Variants in CLSTN2 observed in about 807,000 individuals in gnomAD.
The protein encoded by CLSTN2 is calsyntenin-2.
In CLSTN2, 48 loss-of-function variants were observed where a neutral mutation model predicts 101.2. That is an observed-to-expected ratio of 0.47 (90% confidence interval 0.38 to 0.60). The LOEUF is 0.60. CLSTN2 is among the 20% of genes least tolerant of loss of function. CLSTN2 has a pLI of 0.00. For synonymous variants in CLSTN2, 481 were observed against 463.6 expected, an observed-to-expected ratio of 1.04 and a Z score of -0.48; for missense variants, 1,160 against 1,238.2, an observed-to-expected ratio of 0.94 and a Z score of 0.95.
intron 1 of CLSTN2, among the ~76,000 whole-genome samples, chr3:140,106,601 C>G (rs2009063018): frequency 6.6e-6 from 1 of 152,208 alleles, no homozygotes; most frequent in South Asian, 2.1e-4. Flanking sequence ...TTCCAGAAGA[C>G]AAGGTTCCTC....
At chr3:140,358,676 T>A (rs2087698481) in intron 2 of CLSTN2, among the ~76,000 whole-genome samples, 1 of 152,140 alleles carries the variant, frequency 6.6e-6, no homozygotes, top group African/African-American at 2.4e-5. Flanking sequence ...GGCAACTTAT[T>A]ACCTGGGAGC....
At chr3:140,451,090 C>A (rs913941541) in intron 6 of CLSTN2, among the ~76,000 whole-genome samples, 2 of 152,166 alleles carry the variant, frequency 1.3e-5, no homozygotes, top group Admixed American at 1.3e-4. Context: ...GCTCCCCATG[C>A]ACCTGAATTA....
At chr3:140,457,234 G>T (rs1933424839) in intron 6 of CLSTN2, among the ~76,000 whole-genome samples, 1 of 152,182 alleles carries the variant, frequency 6.6e-6, no homozygotes. Context: ...GGTCCCATTG[G>T]CTTGAGCTAG....
intron 5 of CLSTN2, among the ~76,000 whole-genome samples, chr3:140,443,824 A>G (rs1171122678): frequency 2.0e-5 from 3 of 152,140 alleles, no homozygotes; most frequent in African/African-American, 7.2e-5. Context: ...CCACGAGGGG[A>G]TATAATTTTC....
intron 1 of CLSTN2, among the ~76,000 whole-genome samples, chr3:140,111,054 A>G (rs188161144): frequency 8.1e-4 from 124 of 152,272 alleles, no homozygotes; most frequent in African/African-American, 3.0e-3. Context: ...TGCACATCCA[A>G]GGTTTAATGT....
chr3:140,135,983 C>T (rs2107806671), intron 1 of CLSTN2, among the ~76,000 whole-genome samples: 1 of 152,230 alleles, frequency 6.6e-6, no homozygotes, highest in Non-Finnish European at 1.5e-5. Context: ...TTATCTTGGA[C>T]TTAAGAAGAT....
rs1310609902 is a variant in CLSTN2, at chr3:140,566,829, T to C, written c.*576T>C. ...CTCTCTCTCTCTCTCTCTCTGTCTA[T>C]CTAGTTCCCCAGCTTGGAGAGCCTT... On this transcript the variant is annotated 3_prime_UTR_variant, in exon 17 of 17. Coordinates refer to ENST00000458420, the MANE Select transcript of CLSTN2 (RefSeq NM_022131.3). 1.9e-5 allele frequency: 3 copies of C among 154,732 alleles called. No homozygotes were observed. The highest frequency in any genetic ancestry group is 7.2e-5 in the African/African-American group (3 of 41,480). The allele number at this position is 154,732 out of a possible 1,614,324, so 9.6% of individuals were successfully genotyped here. A position where few individuals can be genotyped will look rare whatever the true frequency, so the allele number is the denominator to read the frequency against.
chr3:140,572,724 A>G lies in CLSTN2; in HGVS notation c.*6471A>G, dbSNP rs1434236109. 6.6e-6 allele frequency: 1 copy of G among 152,302 alleles called. No individual in the cohort carries two copies. The highest frequency in any genetic ancestry group is 2.4e-5 in the African/African-American group (1 of 41,476). The allele number at this position is 152,302 out of a possible 1,614,324, so 9.4% of individuals were successfully genotyped here. ...CTGGAGGCAGGCAGTCTGTGATTTAATGAGCTTTCTGACACACACTAAAGT... is the reference window on the plus strand; with the variant it reads ...CTGGAGGCAGGCAGTCTGTGATTTAGTGAGCTTTCTGACACACACTAAAGT... On this transcript the variant is annotated 3_prime_UTR_variant, in exon 17 of 17. Transcript: ENST00000458420.
chr3:140,505,364 C>T (rs1446469190), intron 8 of CLSTN2, among the ~76,000 whole-genome samples: 1 of 152,124 alleles, frequency 6.6e-6, no homozygotes, highest in Middle Eastern at 3.2e-3. Flanking sequence ...ATTATAAATG[C>T]ACATTGTTCT....
chr3:140,185,575 C>T (rs984332742), intron 2 of CLSTN2, among the ~76,000 whole-genome samples: 1 of 152,154 alleles, frequency 6.6e-6, no homozygotes, highest in African/African-American at 2.4e-5. Context: ...CAGGGGTGGG[C>T]ACCTGACCCA....
At chr3:140,002,548 G>C (rs964976116) in intron 1 of CLSTN2, among the ~76,000 whole-genome samples, 2 of 152,138 alleles carry the variant, frequency 1.3e-5, no homozygotes, top group African/African-American at 4.8e-5. Context: ...TTGCTGTGCA[G>C]AAGCTTTTTA....
intron 5 of CLSTN2, among the ~76,000 whole-genome samples, chr3:140,446,555 A>G (rs1347646394): frequency 1.3e-5 from 2 of 152,186 alleles, no homozygotes; most frequent in Non-Finnish European, 2.9e-5. Context: ...AACATTGATC[A>G]GTCCCTACTG....
chr3:139,979,567 A>G (rs756648538), intron 1 of CLSTN2, among the ~76,000 whole-genome samples: 12 of 152,160 alleles, frequency 7.9e-5, no homozygotes, highest in Non-Finnish European at 1.5e-4. Flanking sequence ...AATTAAGTCC[A>G]GGTTCCTATA....
intron 4 of CLSTN2, among the ~76,000 whole-genome samples, chr3:140,415,431 A>T (rs2088418101): frequency 6.7e-6 from 1 of 150,010 alleles, no homozygotes; most frequent in African/African-American, 2.4e-5. Context: ...TTGGTAGACC[A>T]TATATGCAAT....
rs144313626 is a variant in CLSTN2 at position 140,248,141 on chromosome 3, G to A, written c.232+72068G>A. Among the ~76,000 whole-genome samples the A allele has an allele frequency of 1.2e-4, 18 of 152,348 alleles. No homozygotes were observed. In the East Asian group the frequency reaches 3.1e-3, roughly 26 times the overall value. On this transcript the variant is annotated intron_variant, in intron 2 of 16. Transcript: ENST00000458420. ...GACCTGTCTGTGGGTATCTGATGGAGGAGCAGGGCAATGTGAAATATTTTG... is the reference window on the plus strand; with the variant it reads ...GACCTGTCTGTGGGTATCTGATGGAAGAGCAGGGCAATGTGAAATATTTTG...
chr3:140,044,443 G>T (rs9917657), intron 1 of CLSTN2, among the ~76,000 whole-genome samples: 4 of 152,156 alleles, frequency 2.6e-5, no homozygotes, highest in Non-Finnish European at 5.9e-5. Context: ...AGACGATGGC[G>T]TTTTCTAGAT....
At chr3:140,347,969 G>A in intron 2 of CLSTN2, among the ~76,000 whole-genome samples, 1 of 152,228 alleles carries the variant, frequency 6.6e-6, no homozygotes, top group East Asian at 1.9e-4. Context: ...ATGCTCTGAT[G>A]AGTTAGCATT....
chr3:140,012,725 A>G (rs1232363316), intron 1 of CLSTN2, among the ~76,000 whole-genome samples: 2 of 152,182 alleles, frequency 1.3e-5, no homozygotes, highest in African/African-American at 2.4e-5. Context: ...AGGGTTGGAA[A>G]TGTGTAGAAG....
intron 8 of CLSTN2, among the ~76,000 whole-genome samples, chr3:140,512,253 AG>A (rs1934828671): frequency 6.6e-6 from 1 of 152,106 alleles, no homozygotes; most frequent in South Asian, 2.1e-4. Context: ...GTTTTCTTCT[AG>A]GGTTTTTATA....
Sources: allele counts gnomAD v4.1 joint callset (sites outside exome capture counted in the v4.1 genomes callset), GRCh38; gene constraint gnomAD v4.1.1; transcripts MANE v1.5; gene names NCBI Gene and HGNC (gene_info 2026-07-23, HGNC 2026-07-21).